Variants in ATRNL1 observed in about 807,000 individuals in gnomAD.
The protein encoded by ATRNL1 is attractin-like protein 1.
Under a neutral mutation model 182.7 loss-of-function variants are expected in ATRNL1, and 95 were observed. The ratio of observed to expected loss-of-function variants is 0.52; its 90% CI spans 0.44 to 0.62. The LOEUF is 0.62. Among genes scored for constraint, ATRNL1 ranks in the 20% least tolerant of loss-of-function variants. The pLI, the probability that ATRNL1 is intolerant of heterozygous loss-of-function variation, is 0.00. For synonymous variants in ATRNL1, 576 were observed against 568.3 expected, an observed-to-expected ratio of 1.01 and a Z score of -0.19; for missense variants, 1,471 against 1,679.5, an observed-to-expected ratio of 0.88 and a Z score of 2.17.
intron 22 of ATRNL1, among the ~76,000 whole-genome samples, chr10:115,464,209 C>T (rs931442202): frequency 6.6e-6 from 1 of 151,928 alleles, no homozygotes; most frequent in African/African-American, 2.4e-5. Flanking sequence ...GTGTAACCCT[C>T]TTTAATTAAA....
intron 15 of ATRNL1, among the ~76,000 whole-genome samples, chr10:115,292,024 A>G (rs1475408423): frequency 6.6e-6 from 1 of 151,950 alleles, no homozygotes; most frequent in Non-Finnish European, 1.5e-5. Context: ...TTCATCATTC[A>G]TTCAAAATCA....
At chr10:115,665,910 GTTA>G (rs1860972019) in intron 26 of ATRNL1, among the ~76,000 whole-genome samples, 1 of 152,144 alleles carries the variant, frequency 6.6e-6, no homozygotes, top group Non-Finnish European at 1.5e-5. Flanking sequence ...CTCATTAAAT[GTTA>G]AGGATTCTTA....
intron 21 of ATRNL1, among the ~76,000 whole-genome samples, chr10:115,459,009 G>C (rs1478488227): frequency 6.6e-6 from 1 of 152,038 alleles, no homozygotes; most frequent in African/African-American, 2.4e-5. Context: ...TAATACTTTT[G>C]TAATTTCTTA....
intron 24 of ATRNL1, among the ~76,000 whole-genome samples, chr10:115,498,369 T>C (rs1849654510): frequency 6.6e-6 from 1 of 152,148 alleles, no homozygotes; most frequent in African/African-American, 2.4e-5. Context: ...TCATAAGATT[T>C]CATTTTTTAA....
chr10:115,444,157 G>A lies in ATRNL1; in HGVS notation c.3323-17784G>A, dbSNP rs532740819. ...GATATAATTGTTTCCATAAGAAATC[G>A]AAGTGTCTACAGGCAAATTATTAGA... is the stretch of plus-strand genomic sequence containing the variant. On this transcript the variant is annotated intron_variant, in intron 21 of 28. Transcript: ENST00000355044. Among the ~76,000 whole-genome samples, 11 of 152,092 alleles carry A rather than the reference G, an allele frequency of 7.2e-5. No homozygotes were observed. The South Asian group carries it at 1.0e-3, about 14-fold the overall frequency.
At chr10:115,159,614 A>T (rs1455505883) in intron 5 of ATRNL1, among the ~76,000 whole-genome samples, 2 of 151,638 alleles carry the variant, frequency 1.3e-5, no homozygotes, top group African/African-American at 4.8e-5. Context: ...TTTTAAAAAA[A>T]TAAATATTTA....
intron 1 of ATRNL1, among the ~76,000 whole-genome samples, chr10:115,107,457 T>C (rs1844062687): frequency 6.6e-6 from 1 of 152,246 alleles, no homozygotes; most frequent in African/African-American, 2.4e-5. Flanking sequence ...TGGATGAGGA[T>C]TGGGCTCCCA....
chr10:115,778,568 G>C lies in ATRNL1; in HGVS notation c.3903+51213G>C, dbSNP rs190300319. On this transcript the variant is annotated intron_variant, in intron 27 of 28. Coordinates refer to ENST00000355044, the MANE Select transcript of ATRNL1 (RefSeq NM_207303.4). ...ATCCAATGAACGAACTAAATCATATGCATGACATCGAATATGTGATTCTTT... is the reference window on the plus strand; with the variant it reads ...ATCCAATGAACGAACTAAATCATATCCATGACATCGAATATGTGATTCTTT... Among the ~76,000 whole-genome samples, 334 of 152,286 alleles carry C rather than the reference G, an allele frequency of 2.2e-3. 2 individuals carry two copies. Among genetic ancestry groups the C allele is most frequent in the African/African-American group, 7.7e-3 (318 of 41,550 alleles).
At chr10:115,602,961 A>C (rs1856689151) in intron 26 of ATRNL1, among the ~76,000 whole-genome samples, 1 of 152,100 alleles carries the variant, frequency 6.6e-6, no homozygotes, top group South Asian at 2.1e-4. Context: ...TTACTGGTTT[A>C]TTATAAGGAA....
intron 26 of ATRNL1, among the ~76,000 whole-genome samples, chr10:115,662,356 G>A (rs1593029070): frequency 6.6e-6 from 1 of 152,122 alleles, no homozygotes; most frequent in Admixed American, 6.6e-5. Context: ...CTTTTACACT[G>A]TTGGTGGGAC....
Position 115,587,009 on chromosome 10 carries a change from G to T in ATRNL1, c.3795+37473G>T, listed in dbSNP as rs1398572588. ...CAGCTGCAGCTCTGTTGGAATACCT[G>T]GCCGTGTGAGGTGTCAGTCTGCCCC... is the stretch of plus-strand genomic sequence containing the variant. On this transcript the variant is annotated intron_variant, in intron 26 of 28. Transcript: ENST00000355044. Among the ~76,000 whole-genome samples, 10 of 147,652 alleles carry T rather than the reference G, an allele frequency of 6.8e-5. No homozygotes were observed. The South Asian group carries it at 1.4e-3, about 20-fold the overall frequency.
intron 8 of ATRNL1, among the ~76,000 whole-genome samples, chr10:115,212,041 T>G (rs189788660): frequency 6.6e-6 from 1 of 152,004 alleles, no homozygotes; most frequent in Admixed American, 6.6e-5. Flanking sequence ...AACTTTTATT[T>G]TAGATTCAGG....
intron 20 of ATRNL1, among the ~76,000 whole-genome samples, chr10:115,410,925 A>ATG (rs1377667549): frequency 1.3e-5 from 2 of 151,628 alleles, no homozygotes; most frequent in Non-Finnish European, 1.5e-5. Context: ...TTTAGTAGAG[A>ATG]CAGGGTTTTA....
At chr10:115,612,651 C>T (rs1248406196) in intron 26 of ATRNL1, among the ~76,000 whole-genome samples, 2 of 152,216 alleles carry the variant, frequency 1.3e-5, no homozygotes, top group African/African-American at 4.8e-5. Context: ...CACTAGCTGT[C>T]CTTGTGACTC....
intron 6 of ATRNL1, among the ~76,000 whole-genome samples, chr10:115,162,696 A>C (rs1846850163): frequency 6.7e-6 from 1 of 149,858 alleles, no homozygotes; most frequent in Non-Finnish European, 1.5e-5. Context: ...CATTCTAGAT[A>C]GAGAAAAGGA....
rs1427969408 is a variant in ATRNL1 at position 115,861,710 on chromosome 10, TC to T, written c.4018+13720del. 1.6e-3 allele frequency among the ~76,000 whole-genome samples: 244 copies of T among 152,290 alleles called. 5 individuals carry two copies. The highest frequency in any genetic ancestry group is 2.2e-4 in the Non-Finnish European group (15 of 68,018). ...TCTATGTTTAACAAATTTGTTTCGG[TC>T]TTTTGTTATTTTTTTCCAGATATAA... On this transcript the variant is annotated intron_variant, in intron 28 of 28. Coordinates refer to ENST00000355044, the MANE Select transcript of ATRNL1 (RefSeq NM_207303.4).
At chr10:115,162,790 C>G (rs1269977877) in intron 6 of ATRNL1, among the ~76,000 whole-genome samples, 2 of 151,104 alleles carry the variant, frequency 1.3e-5, no homozygotes, top group Non-Finnish European at 2.9e-5. Flanking sequence ...AAAAGAATGA[C>G]TGGTGAGATA....
intron 17 of ATRNL1, among the ~76,000 whole-genome samples, chr10:115,306,632 G>A (rs2133990793): frequency 6.6e-6 from 1 of 151,966 alleles, no homozygotes; most frequent in East Asian, 1.9e-4. Flanking sequence ...AAAATGTTGT[G>A]TAATGTCTTA....
chr10:115,593,423 C>A (rs1856033630), intron 26 of ATRNL1, among the ~76,000 whole-genome samples: 1 of 152,120 alleles, frequency 6.6e-6, no homozygotes, highest in South Asian at 2.1e-4. Flanking sequence ...GAATAAAGAT[C>A]CCAGAAGTAA....
Sources: gnomAD v4.1 joint callset for allele counts (sites outside exome capture counted in the v4.1 genomes callset) on GRCh38, gnomAD v4.1.1 for gene constraint, MANE v1.5 for transcripts, NCBI Gene and HGNC (gene_info 2026-07-23, HGNC 2026-07-21) for gene names.